Variants in ST8SIA1 observed in about 807,000 individuals in gnomAD.
The protein encoded by ST8SIA1 is ST8 alpha-N-acetyl-neuraminide alpha-2,8-sialyltransferase 1, also known as alpha-N-acetylneuraminide alpha-2,8-sialyltransferase.
ST8SIA1 carries 16 observed loss-of-function variants against 35.9 expected under a neutral mutation model. The observed-to-expected ratio is 0.45, with a 90% CI of 0.30 to 0.68. The LOEUF is 0.68. ST8SIA1 is among the 30% of genes least tolerant of loss of function. The probability of loss-of-function intolerance (pLI) is 0.09; values close to 1 mark genes in which losing one functional copy is unlikely to be tolerated. For synonymous variants in ST8SIA1, 170 were observed against 169.6 expected (o/e 1.00, Z -0.02); for missense variants, 383 against 453.6 (o/e 0.84, Z 1.41).
chr12:22,236,141 CT>C (rs1259746428), intron 4 of ST8SIA1, among the ~76,000 whole-genome samples: 5 of 152,150 alleles, frequency 3.3e-5, no homozygotes, highest in African/African-American at 1.2e-4. Context: ...CCACGTCTCC[CT>C]TCTCTAGACC....
intron 4 of ST8SIA1, among the ~76,000 whole-genome samples, chr12:22,204,762 C>G (rs953342069): frequency 3.3e-5 from 5 of 152,120 alleles, no homozygotes; most frequent in Non-Finnish European, 5.9e-5. Context: ...TTTACCTCTC[C>G]CATTCTGTGA....
At chr12:22,308,846 CCTCTCTAAGTGCTTTTT>C (rs1408258407) in intron 1 of ST8SIA1, among the ~76,000 whole-genome samples, 5 of 152,146 alleles carry the variant, frequency 3.3e-5, no homozygotes, top group African/African-American at 1.2e-4. Flanking sequence ...ATCATCAACT[CCTCTCTAAGTGCTTTTT>C]CTCTCTCCCC....
chr12:22,254,023 C>T (rs1005489327), intron 3 of ST8SIA1, among the ~76,000 whole-genome samples: 3 of 152,132 alleles, frequency 2.0e-5, no homozygotes, highest in East Asian at 1.9e-4. Context: ...GACTGTTACT[C>T]GTTTATACTT....
At chr12:22,322,376 G>T (rs941876541) in intron 1 of ST8SIA1, among the ~76,000 whole-genome samples, 1 of 152,178 alleles carries the variant, frequency 6.6e-6, no homozygotes, top group East Asian at 1.9e-4. Context: ...CACATAGAAG[G>T]CATCGAATAT....
At chr12:22,232,089 TCCCTCTAGTGC>T (rs1865427826) in intron 4 of ST8SIA1, among the ~76,000 whole-genome samples, 2 of 152,112 alleles carry the variant, frequency 1.3e-5, no homozygotes, top group African/African-American at 4.8e-5. Context: ...TCCCATAGTG[TCCCTCTAGTGC>T]CCCCAGTCAG....
intron 1 of ST8SIA1, among the ~76,000 whole-genome samples, chr12:22,303,624 G>C (rs1244775612): frequency 1.3e-5 from 2 of 151,978 alleles, no homozygotes; most frequent in Non-Finnish European, 2.9e-5. Context: ...TTGCTTAACT[G>C]TTTGTTTTGT....
intron 2 of ST8SIA1, among the ~76,000 whole-genome samples, chr12:22,259,555 T>TC (rs1476927973): frequency 1.3e-5 from 2 of 151,912 alleles, no homozygotes; most frequent in African/African-American, 4.8e-5. Context: ...AAGCTCCGCC[T>TC]CCCAGGTTCA....
chr12:22,312,600 G>A (rs796841120), intron 1 of ST8SIA1, among the ~76,000 whole-genome samples: 3 of 151,664 alleles, frequency 2.0e-5, no homozygotes, highest in African/African-American at 4.8e-5. Flanking sequence ...ACTTGGCTAC[G>A]ATTTTCAATT....
chr12:22,257,770 T>C (rs1865744776), intron 2 of ST8SIA1, among the ~76,000 whole-genome samples: 1 of 151,144 alleles, frequency 6.6e-6, no homozygotes, highest in Non-Finnish European at 1.5e-5. Context: ...ATTAGGGAGG[T>C]TGGGAAATAC....
chr12:22,239,297 A>G (rs1257205580), intron 4 of ST8SIA1, among the ~76,000 whole-genome samples: 1 of 152,066 alleles, frequency 6.6e-6, no homozygotes, highest in Non-Finnish European at 1.5e-5. Context: ...TCTTATCCCT[A>G]TTTTATACTT....
At chr12:22,252,493 G>T (rs1865683507) in intron 3 of ST8SIA1, among the ~76,000 whole-genome samples, 1 of 151,908 alleles carries the variant, frequency 6.6e-6, no homozygotes, top group African/African-American at 2.4e-5. Context: ...CATACATAAG[G>T]CTTTTAAACA....
intron 1 of ST8SIA1, among the ~76,000 whole-genome samples, chr12:22,302,019 CAATAT>C (rs2135825560): frequency 6.6e-6 from 1 of 152,062 alleles, no homozygotes; most frequent in African/African-American, 2.4e-5. Flanking sequence ...ATAATCTGGG[CAATAT>C]AATAAAGCAA....
intron 2 of ST8SIA1, among the ~76,000 whole-genome samples, chr12:22,273,290 A>G (rs1176160076): frequency 2.0e-5 from 3 of 151,970 alleles, no homozygotes; most frequent in African/African-American, 7.3e-5. Flanking sequence ...ATATACCCAC[A>G]CTTTCCTAAT....
chr12:22,300,854 T>C (rs61924167), intron 1 of ST8SIA1, among the ~76,000 whole-genome samples: 19,004 of 152,160 alleles, frequency 0.12, 1,496 homozygotes, highest in South Asian at 0.31. Flanking sequence ...ATGTTAGGCT[T>C]CCTAAAGTCC....
At chr12:22,288,766 C>T (rs566119500) in intron 1 of ST8SIA1, among the ~76,000 whole-genome samples, 34 of 152,302 alleles carry the variant, frequency 2.2e-4, no homozygotes, top group African/African-American at 7.9e-4. Context: ...CTTGCTCCTA[C>T]GCTGGCCCTC....
intron 1 of ST8SIA1, among the ~76,000 whole-genome samples, chr12:22,314,783 C>A (rs183824677): frequency 6.6e-6 from 1 of 152,134 alleles, no homozygotes; most frequent in African/African-American, 2.4e-5. Flanking sequence ...ACATCCCTGG[C>A]TCCAGGCGTA....
At chr12:22,252,195 G>A (rs1591835239) in intron 3 of ST8SIA1, among the ~76,000 whole-genome samples, 1 of 152,172 alleles carries the variant, frequency 6.6e-6, no homozygotes, top group East Asian at 1.9e-4. Flanking sequence ...AGTCCTAGAA[G>A]ACACTTTGAA....
At position 22,296,181 on chromosome 12, in the gene ST8SIA1, A is replaced by C. The variant is rs111797058; in HGVS notation, c.237-8888T>G. On this transcript the variant is annotated intron_variant, in intron 1 of 4. Transcript: ENST00000396037. ...TCAAGGAAACCAGCGAATCTAGAAT[A>C]AAGTGAGCATGGGACGGACTGGTGT... Among the ~76,000 whole-genome samples the C allele has an allele frequency of 3.7e-4, 57 of 152,324 alleles. 2 individuals carry two copies. Among genetic ancestry groups the C allele is most frequent in the African/African-American group, 1.3e-3 (56 of 41,580 alleles).
chr12:22,255,535 G>A, intron 2 of ST8SIA1, 146 bp from the exon 3 acceptor site: 1 of 739,694 alleles, frequency 1.4e-6, no homozygotes, highest in Non-Finnish European at 2.3e-6. Context: ...ATGCCAAGAA[G>A]TTTGTAAGGA....
Sources: gnomAD v4.1 joint callset for allele counts (sites outside exome capture counted in the v4.1 genomes callset) on GRCh38, gnomAD v4.1.1 for gene constraint, MANE v1.5 for transcripts, NCBI Gene and HGNC (gene_info 2026-07-23, HGNC 2026-07-21) for gene names.